MTBP: variants seen among roughly 807,000 people sequenced by gnomAD.
MTBP encodes the protein MDM2 binding protein, also known as mdm2-binding protein.
A neutral mutation model predicts 117.0 loss-of-function variants in MTBP; 101 were observed. That is an observed-to-expected ratio of 0.86 (90% CI 0.73 to 1.02). The LOEUF is 1.02. MTBP is among the 50% of genes least tolerant of loss of function. The probability of loss-of-function intolerance (pLI) is 0.00; values close to 1 mark genes in which losing one functional copy is unlikely to be tolerated. For synonymous variants in MTBP, 350 were observed against 351.5 expected (o/e 1.00, Z 0.05); for missense variants, 970 against 1,030.9 (o/e 0.94, Z 0.81).
chr8:120,476,010 T>C (rs1031037423), intron 11 of MTBP, among the ~76,000 whole-genome samples: 1 of 152,064 alleles, frequency 6.6e-6, no homozygotes, highest in Non-Finnish European at 1.5e-5. Flanking sequence ...AAAAAACCTT[T>C]ATATTACAAT....
chr8:120,502,438 C>G lies in MTBP; in HGVS notation c.1610-54C>G. ...GTCTGTAAATACACATTTTTATTAG[C>G]AAAATTCAGTATGATAATACTTTTC... On this transcript the variant is annotated intron_variant, in intron 14 of 21. Coordinates refer to ENST00000305949, the MANE Select transcript of MTBP (RefSeq NM_022045.5). 6 of 1,246,976 alleles carry G rather than the reference C, an allele frequency of 4.8e-6. No homozygotes were observed. In the South Asian group the frequency reaches 5.8e-5, roughly 12 times the overall value. The allele number at this position is 1,246,976 out of a possible 1,614,324, so 77.2% of individuals were successfully genotyped here.
rs760698598 is a variant in MTBP at position 120,523,294 on chromosome 8, CT to C, written c.2677-3del. ...TTCTGTAATCATATTTTTTCTCCCC[CT>C]AGGTGATTGACTGGGTATTAGAAAA... On this transcript the variant is annotated splice_polypyrimidine_tract_variant and splice_region_variant and intron_variant, in intron 21 of 21. Transcript: ENST00000305949. The C allele has an allele frequency of 2.6e-6, 4 of 1,544,306 alleles. No individual in the cohort carries two copies. The highest frequency in any genetic ancestry group is 2.6e-6 in the Non-Finnish European group (3 of 1,135,090).
At chr8:120,467,744 G>A (rs996213942) in intron 10 of MTBP, among the ~76,000 whole-genome samples, 2 of 152,166 alleles carry the variant, frequency 1.3e-5, no homozygotes, top group African/African-American at 4.8e-5. Context: ...CAAGTTATCA[G>A]CACCTAAGTG....
At position 120,500,342 on chromosome 8, in the gene MTBP, T is replaced by C. The variant is rs1388287722; in HGVS notation, c.1610-2150T>C. 8.5e-5 allele frequency among the ~76,000 whole-genome samples: 13 copies of C among 152,332 alleles called. No homozygotes were observed. The East Asian group carries it at 2.3e-3, about 27-fold the overall frequency. On this transcript the variant is annotated intron_variant, in intron 14 of 21. Transcript: ENST00000305949. ...CCACAAAAGACATGAGACATATGAA[T>C]GTTTTCCCACCTATTTCTTAATATT...
intron 16 of MTBP, among the ~76,000 whole-genome samples, chr8:120,507,746 A>C (rs1267831572): frequency 1.3e-5 from 2 of 152,130 alleles, no homozygotes; most frequent in Non-Finnish European, 2.9e-5. Flanking sequence ...AAAATTTGAG[A>C]GTCTTAATGA....
rs995078275 is a variant in MTBP, at chr8:120,506,775, A to T, written c.1797A>T (p.Thr599=). Reference sequence around the variant, plus strand: ...AAGAGGGTCCTCGGGACTCAATCACATTGTTGGATGCTAAAGAATTGCTGA... The same window carrying T: ...AAGAGGGTCCTCGGGACTCAATCACTTTGTTGGATGCTAAAGAATTGCTGA... The part of the protein sequence containing the change: ...GHKEGPRDSI[T]LLDAKELLKY... The change falls in exon 16 of 22, where the codon ACA becomes ACT. Residue 599 remains threonine, a synonymous_variant. Transcript: ENST00000305949. 6.2e-7 allele frequency: 1 copy of T among 1,613,472 alleles called. No homozygotes were observed.
At chr8:120,512,908 A>G (rs555951293) in intron 17 of MTBP, among the ~76,000 whole-genome samples, 16 of 152,248 alleles carry the variant, frequency 1.1e-4, no homozygotes, top group African/African-American at 3.4e-4. Context: ...TAAAGTAAAT[A>G]TGAAACTACA....
chr8:120,512,934 C>T lies in MTBP; in HGVS notation c.1979+2905C>T, dbSNP rs374040648. 7.6e-4 allele frequency among the ~76,000 whole-genome samples: 116 copies of T among 152,072 alleles called. 1 individual carries two copies. Among genetic ancestry groups the T allele is most frequent in the Middle Eastern group, 3.4e-3 (1 of 294 alleles). On this transcript the variant is annotated intron_variant, in intron 17 of 21. Transcript: ENST00000305949. ...TGAAACTACAAAGAAAGTTCTCTTA[C>T]GTTATTGTGGGCCTTTAGAACCCTG...
chr8:120,490,541 T>G lies in MTBP; in HGVS notation c.1418T>G (p.Val473Gly). Reference sequence around the variant, plus strand: ...CAGAGAGAGAAACAGTTAGCTAATGTTCAAGTTTTAGCTTTGGAAGAATGC... The same window carrying G: ...CAGAGAGAGAAACAGTTAGCTAATGGTCAAGTTTTAGCTTTGGAAGAATGC... ...IVQREKQLAN[V>G]QVLALEECLK... The change falls in exon 13 of 22, where the codon GTT (valine) becomes GGT (glycine). Residue 473 changes from valine (V) to glycine (G), a missense_variant. By Grantham distance (109) the Val-to-Gly change is moderately radical. Transcript: ENST00000305949. 1 of 1,607,262 alleles carries G rather than the reference T, an allele frequency of 6.2e-7. No homozygotes were observed. Among genetic ancestry groups the G allele is most frequent in the Non-Finnish European group, 8.5e-7 (1 of 1,177,680 alleles).
intron 18 of MTBP, 71 bp from the exon 19 acceptor site, chr8:120,517,780 T>C: frequency 6.9e-7 from 1 of 1,458,760 alleles, no homozygotes; most frequent in South Asian, 1.3e-5. Context: ...TTGTAATATT[T>C]AAGACAGAAA....
intron 16 of MTBP, 22 bp from the exon 17 acceptor site, chr8:120,509,912 A>T (rs771299969): frequency 6.4e-7 from 1 of 1,558,212 alleles, no homozygotes; most frequent in South Asian, 1.2e-5. Context: ...TTTGAATACA[A>T]ATGAAAAATT....
Position 120,456,563 on chromosome 8 carries a change from A to C in MTBP, c.640A>C (p.Lys214Gln). The C allele has an allele frequency of 6.5e-7, 1 of 1,536,630 alleles. No homozygotes were observed. The highest frequency in any genetic ancestry group is 1.2e-5 in the South Asian group (1 of 85,042). The change falls in exon 7 of 22, where the codon AAA becomes CAA. Residue 214 changes from lysine (K) to glutamine (Q), a missense_variant. Transcript: ENST00000305949. ...AGNHCEINCQ[K>Q]IAEYLSANVV... is the part of the protein sequence containing the mutation. ...ATCTTTTTTTTATAGAAACTGTCAG[A>C]AAATTGCAGAATACCTTTCTGCTAA... is the stretch of plus-strand genomic sequence containing the variant.
At position 120,446,446 on chromosome 8, in the gene MTBP, A is replaced by G. The variant is rs1229211948; in HGVS notation, c.132A>G (p.Ala44=). The G allele has an allele frequency of 6.2e-7, 1 of 1,607,222 alleles. No homozygotes were observed. The change falls in exon 2 of 22, where the codon GCA becomes GCG. Residue 44 remains alanine (A), a synonymous_variant. Transcript: ENST00000305949. ...GTENQPDFTA[A]NVYHLLKRSI... ...TTTCTTTTTCAGACTTCACAGCAGC[A>G]AATGTTTATCACCTCTTGAAAAGAA...
intron 15 of MTBP, among the ~76,000 whole-genome samples, chr8:120,506,371 A>T (rs1297774732): frequency 2.0e-5 from 3 of 152,114 alleles, no homozygotes; most frequent in Non-Finnish European, 4.4e-5. Flanking sequence ...AGTTTTATAG[A>T]ATTGGTAACT....
intron 11 of MTBP, among the ~76,000 whole-genome samples, chr8:120,482,162 A>G (rs1262930219): frequency 1.3e-5 from 2 of 152,158 alleles, no homozygotes; most frequent in African/African-American, 4.8e-5. Context: ...GGTGGTTCAA[A>G]TGTATATCCA....
intron 11 of MTBP, chr8:120,471,217 G>T: frequency 4.4e-6 from 1 of 226,072 alleles, no homozygotes; most frequent in Admixed American, 5.7e-5. Context: ...AGACATTTCA[G>T]GAATCAAATT....
At chr8:120,463,857 T>A in intron 10 of MTBP, 96 bp downstream of exon 10, 1 of 1,163,356 alleles carries the variant, frequency 8.6e-7, no homozygotes, top group East Asian at 2.4e-5. Flanking sequence ...TTAATCTGTT[T>A]GCTTGATGAC....
chr8:120,500,902 C>G (rs1420326067), intron 14 of MTBP, among the ~76,000 whole-genome samples: 1 of 151,764 alleles, frequency 6.6e-6, no homozygotes, highest in East Asian at 1.9e-4. Context: ...ACTAAAAATA[C>G]AAAAATAGGC....
intron 13 of MTBP, among the ~76,000 whole-genome samples, chr8:120,491,018 A>T (rs1435887719): frequency 1.3e-5 from 2 of 152,150 alleles, no homozygotes; most frequent in African/African-American, 2.4e-5. Context: ...ATCAATAATA[A>T]GTAAGAACAT....
Sources: allele counts gnomAD v4.1 joint callset (sites outside exome capture counted in the v4.1 genomes callset), GRCh38; gene constraint gnomAD v4.1.1; transcripts MANE v1.5; gene names NCBI Gene and HGNC (gene_info 2026-07-23, HGNC 2026-07-21).